The following EML4 variants were observed in gnomAD, a reference collection of about 807,000 sequenced individuals.
The protein encoded by EML4 is echinoderm microtubule-associated protein-like 4.
In EML4, 72 loss-of-function variants were observed where a neutral mutation model predicts 129.0. That is an observed-to-expected ratio of 0.56 (90% confidence interval 0.46 to 0.68). The LOEUF is 0.68. Among genes scored for constraint, EML4 ranks in the 30% least tolerant of loss-of-function variants. The probability of loss-of-function intolerance (pLI) is 0.00; values close to 1 mark genes in which losing one functional copy is unlikely to be tolerated. For missense variants in EML4, 1,363 were observed against 1,190.6 expected (o/e 1.14, Z -2.13); for synonymous variants, 532 against 405.0 (o/e 1.31, Z -3.77).
chr2:42,212,950 C>A (rs1353035732), intron 1 of EML4, among the ~76,000 whole-genome samples: 1 of 152,164 alleles, frequency 6.6e-6, no homozygotes, highest in Non-Finnish European at 1.5e-5. Context: ...CCAGTTTTTG[C>A]ATTCTCATTT....
At chr2:42,186,801 C>T (rs745770151) in intron 1 of EML4, among the ~76,000 whole-genome samples, 7 of 152,056 alleles carry the variant, frequency 4.6e-5, no homozygotes, top group Admixed American at 1.3e-4. Flanking sequence ...TTTAAATCAG[C>T]TTTATTGAGC....
At chr2:42,302,687 C>G (rs923468063) in intron 14 of EML4, among the ~76,000 whole-genome samples, 3 of 152,062 alleles carry the variant, frequency 2.0e-5, no homozygotes, top group Non-Finnish European at 4.4e-5. Flanking sequence ...GCGCCCGCCA[C>G]CGCACCTGGC....
intron 1 of EML4, among the ~76,000 whole-genome samples, chr2:42,223,839 A>G (rs1003826034): frequency 1.3e-5 from 2 of 152,154 alleles, no homozygotes; most frequent in Admixed American, 6.5e-5. Context: ...AGTTGCCCTT[A>G]TCACTCCAGA....
chr2:42,176,979 A>T (rs1222388985), intron 1 of EML4, among the ~76,000 whole-genome samples: 1 of 152,122 alleles, frequency 6.6e-6, no homozygotes, highest in East Asian at 1.9e-4. Context: ...TTTTTAGTAG[A>T]GACGGGTTTC....
At chr2:42,284,789 G>T in intron 9 of EML4, 86 bp downstream of exon 9, 2 of 983,190 alleles carry the variant, frequency 2.0e-6, no homozygotes, top group South Asian at 2.1e-5. Flanking sequence ...CAACTCATTT[G>T]TTTTATTCTT....
At chr2:42,267,248 G>A (rs1486467507) in intron 6 of EML4, among the ~76,000 whole-genome samples, 1 of 152,168 alleles carries the variant, frequency 6.6e-6, no homozygotes, top group African/African-American at 2.4e-5. Flanking sequence ...GAATTTGGCA[G>A]TAAAACCTTG....
Position 42,245,495 on chromosome 2 carries a change from T to A in EML4, c.26-10T>A. 1 of 1,581,074 alleles carries A rather than the reference T, an allele frequency of 6.3e-7. No individual in the cohort carries two copies. The stretch of plus-strand genomic sequence containing the variant: ...CTTAAAAATATTCCATATTTTATTT[T>A]ATTTTATAGATGATAGTATTTCTGC... On this transcript the variant is annotated splice_polypyrimidine_tract_variant and intron_variant, in intron 1 of 22. Coordinates refer to ENST00000318522, the MANE Select transcript of EML4 (RefSeq NM_019063.5).
chr2:42,289,913 C>CAAAAAA (rs869189390), intron 11 of EML4: 305 of 55,746 alleles, frequency 5.5e-3, no homozygotes, highest in African/African-American at 7.8e-3. Flanking sequence ...ACTAAAAATA[C>CAAAAAA]AAAAAAAAAA....
chr2:42,294,225 A>G (rs1667818271), intron 11 of EML4, among the ~76,000 whole-genome samples: 1 of 152,238 alleles, frequency 6.6e-6, no homozygotes, highest in African/African-American at 2.4e-5. Context: ...CTAGTCCACC[A>G]TAAATCTTTT....
At chr2:42,182,092 C>G (rs923600773) in intron 1 of EML4, among the ~76,000 whole-genome samples, 3 of 150,328 alleles carry the variant, frequency 2.0e-5, no homozygotes, top group Non-Finnish European at 4.4e-5. Flanking sequence ...TGAGTCCTCC[C>G]CTACATAATC....
intron 1 of EML4, among the ~76,000 whole-genome samples, chr2:42,200,052 G>T (rs1000926049): frequency 2.0e-5 from 3 of 150,952 alleles, no homozygotes; most frequent in African/African-American, 7.3e-5. Context: ...GCTGACGCTT[G>T]TAATCCCAGC....
chr2:42,273,484 C>G (rs1203272095), intron 6 of EML4, among the ~76,000 whole-genome samples: 1 of 152,082 alleles, frequency 6.6e-6, no homozygotes, highest in Non-Finnish European at 1.5e-5. Flanking sequence ...TGTAAGTTGG[C>G]TTGCTAGTGT....
chr2:42,245,479 A>G, intron 1 of EML4, 26 bp from the exon 2 acceptor site: 1 of 1,532,750 alleles, frequency 6.5e-7, no homozygotes, highest in Non-Finnish European at 8.9e-7. Flanking sequence ...ACTTAAAAAT[A>G]TTCCATATTT....
intron 1 of EML4, among the ~76,000 whole-genome samples, chr2:42,235,535 G>A (rs1396442776): frequency 2.0e-5 from 3 of 152,136 alleles, no homozygotes; most frequent in East Asian, 1.9e-4. Context: ...TTCACTCAAC[G>A]TTAGCTTCTC....
At chr2:42,209,671 T>A (rs1672767501) in intron 1 of EML4, among the ~76,000 whole-genome samples, 1 of 152,250 alleles carries the variant, frequency 6.6e-6, no homozygotes, top group Admixed American at 6.5e-5. Flanking sequence ...GGCTCACGCC[T>A]GCAATCCCAG....
intron 1 of EML4, among the ~76,000 whole-genome samples, chr2:42,222,230 C>G (rs929177347): frequency 2.6e-5 from 4 of 151,990 alleles, no homozygotes; most frequent in Non-Finnish European, 5.9e-5. Flanking sequence ...GGCATATTTG[C>G]TTATTTTAAC....
chr2:42,211,251 A>C (rs1672869880), intron 1 of EML4, among the ~76,000 whole-genome samples: 1 of 151,910 alleles, frequency 6.6e-6, no homozygotes, highest in Non-Finnish European at 1.5e-5. Context: ...AAAATCACAT[A>C]CTCCTGTGTG....
chr2:42,248,922 T>G (rs987752151), intron 2 of EML4, among the ~76,000 whole-genome samples: 1 of 152,172 alleles, frequency 6.6e-6, no homozygotes, highest in Non-Finnish European at 1.5e-5. Context: ...GTCCAACTAA[T>G]TATGTTTCCA....
At chr2:42,318,893 C>T (rs1251351945) in intron 19 of EML4, among the ~76,000 whole-genome samples, 1 of 151,808 alleles carries the variant, frequency 6.6e-6, no homozygotes, top group African/African-American at 2.4e-5. Context: ...TTTCATAGAG[C>T]TGAGGTCTCC....
Sources: gnomAD v4.1 joint callset for allele counts (sites outside exome capture counted in the v4.1 genomes callset) on GRCh38, gnomAD v4.1.1 for gene constraint, MANE v1.5 for transcripts, NCBI Gene and HGNC (gene_info 2026-07-23, HGNC 2026-07-21) for gene names.